IQGAP2: variants seen among roughly 807,000 people sequenced by gnomAD.
The protein encoded by IQGAP2 is IQ motif containing GTPase activating protein 2, also known as ras GTPase-activating-like protein IQGAP2.
A neutral mutation model predicts 201.3 loss-of-function variants in IQGAP2; 173 were observed. The observed-to-expected ratio is 0.86, with a 90% confidence interval of 0.76 to 0.98. The LOEUF (loss-of-function observed/expected upper bound fraction) is 0.98, where lower values mean the gene tolerates loss of function less well. Ranked by LOEUF, IQGAP2 falls within the 50% of genes least tolerant of loss-of-function variation. The pLI is 0.00. For synonymous variants in IQGAP2, 675 were observed against 673.9 expected (o/e 1.00, Z -0.03); for missense variants, 1,687 against 1,864.8 (o/e 0.90, Z 1.76).
Position 76,502,323 on chromosome 5 carries a change from T to A in IQGAP2, c.146+40654T>A, listed in dbSNP as rs1757324057. 2.0e-5 allele frequency among the ~76,000 whole-genome samples: 3 copies of A among 152,364 alleles called. No homozygotes were observed. The South Asian group carries it at 6.2e-4, about 32-fold the overall frequency. On this transcript the variant is annotated intron_variant, in intron 2 of 35. Coordinates refer to ENST00000274364, the MANE Select transcript of IQGAP2 (RefSeq NM_006633.5). ...ATGGCTGTTATTAAGTTTAGTGAGA[T>A]GGTAGTGGTTAACCTCACCAAAGTA...
At chr5:76,426,751 A>G (rs1186035208) in intron 1 of IQGAP2, among the ~76,000 whole-genome samples, 2 of 152,154 alleles carry the variant, frequency 1.3e-5, no homozygotes, top group African/African-American at 2.4e-5. Context: ...TGATTTTATA[A>G]TAGGTAACCT....
At chr5:76,441,515 T>C (rs1427863099) in intron 1 of IQGAP2, 4 of 985,234 alleles carry the variant, frequency 4.1e-6, no homozygotes, top group Non-Finnish European at 4.8e-6. Flanking sequence ...GCGAGCATGT[T>C]GGTAAGAGAA....
intron 2 of IQGAP2, among the ~76,000 whole-genome samples, chr5:76,484,371 AG>A (rs1366929418): frequency 6.6e-6 from 1 of 151,926 alleles, no homozygotes; most frequent in Non-Finnish European, 1.5e-5. Context: ...TCAGGTGGGG[AG>A]GGCTGTCTTA....
At chr5:76,449,599 C>T (rs1228448458) in intron 1 of IQGAP2, among the ~76,000 whole-genome samples, 1 of 152,164 alleles carries the variant, frequency 6.6e-6, no homozygotes, top group East Asian at 1.9e-4. Flanking sequence ...AGTTGGAATG[C>T]ATTTTAGGAT....
chr5:76,474,640 G>C (rs1362699586), intron 2 of IQGAP2, among the ~76,000 whole-genome samples: 1 of 152,166 alleles, frequency 6.6e-6, no homozygotes, highest in African/African-American at 2.4e-5. Flanking sequence ...TATTTCTCAA[G>C]GCAAGAGTTG....
intron 5 of IQGAP2, among the ~76,000 whole-genome samples, chr5:76,579,810 T>G (rs1220940046): frequency 6.6e-6 from 1 of 152,184 alleles, no homozygotes; most frequent in Non-Finnish European, 1.5e-5. Context: ...TTAGTGGATG[T>G]GACCACCAGT....
chr5:76,527,338 T>G lies in IQGAP2; in HGVS notation c.147-35058T>G, dbSNP rs192962443. Among the ~76,000 whole-genome samples the G allele has an allele frequency of 3.3e-4, 50 of 152,274 alleles. 2 individuals carry two copies. Among genetic ancestry groups the G allele is most frequent in the South Asian group, 8.3e-4 (4 of 4,826 alleles). ...TGCTCCCTGTCCCCCAAGAGCTGTT[T>G]GAATCAGGAGCTGCTTAAGGACCTG... On this transcript the variant is annotated intron_variant, in intron 2 of 35. Transcript: ENST00000274364.
chr5:76,694,340 G>A (rs1437085240), intron 31 of IQGAP2, among the ~76,000 whole-genome samples: 2 of 152,118 alleles, frequency 1.3e-5, no homozygotes, highest in Non-Finnish European at 2.9e-5. Flanking sequence ...ATGTGGGTAT[G>A]TTTTAAACAA....
intron 2 of IQGAP2, among the ~76,000 whole-genome samples, chr5:76,530,041 A>T (rs542523685): frequency 4.6e-5 from 7 of 152,196 alleles, no homozygotes; most frequent in Non-Finnish European, 1.0e-4. Flanking sequence ...AGGTTTGATT[A>T]GTCTGTAACA....
chr5:76,494,618 T>C (rs1436155832), intron 2 of IQGAP2, among the ~76,000 whole-genome samples: 1 of 152,236 alleles, frequency 6.6e-6, no homozygotes, highest in Non-Finnish European at 1.5e-5. Context: ...AAAAGAATAA[T>C]TCCTAAAAGG....
At chr5:76,534,249 A>G (rs996897113) in intron 2 of IQGAP2, among the ~76,000 whole-genome samples, 5 of 152,224 alleles carry the variant, frequency 3.3e-5, no homozygotes, top group African/African-American at 1.2e-4. Flanking sequence ...TCAAAGGGCT[A>G]AAGTGGCTGG....
At chr5:76,540,779 G>T (rs535713889) in intron 2 of IQGAP2, among the ~76,000 whole-genome samples, 1 of 152,298 alleles carries the variant, frequency 6.6e-6, no homozygotes, top group African/African-American at 2.4e-5. Flanking sequence ...CTGGTGCACA[G>T]TGTGCCACCT....
chr5:76,665,153 A>G lies in IQGAP2; in HGVS notation c.2657A>G (p.Gln886Arg). The change falls in exon 22 of 36, where the codon CAG becomes CGG. Residue 886 changes from glutamine to arginine, a missense_variant. Transcript: ENST00000274364. ...KERRKTLETY[Q>R]QLFYLLQTNP... ...AGGAGAAAAACACTAGAAACATATCAGCAGCTGTTTTACCTTTTACAGGTG... is the reference window on the plus strand; with the variant it reads ...AGGAGAAAAACACTAGAAACATATCGGCAGCTGTTTTACCTTTTACAGGTG... 6.2e-7 allele frequency: 1 copy of G among 1,613,380 alleles called. No individual in the cohort carries two copies. The highest frequency in any genetic ancestry group is 8.5e-7 in the Non-Finnish European group (1 of 1,179,564).
At chr5:76,447,495 A>G (rs1482686360) in intron 1 of IQGAP2, among the ~76,000 whole-genome samples, 1 of 151,534 alleles carries the variant, frequency 6.6e-6, no homozygotes, top group Admixed American at 6.6e-5. Context: ...AAACAAACAA[A>G]CAAAAAACAT....
chr5:76,598,217 T>A (rs1409798814), intron 10 of IQGAP2, among the ~76,000 whole-genome samples: 1 of 152,230 alleles, frequency 6.6e-6, no homozygotes, highest in Non-Finnish European at 1.5e-5. Context: ...ATTTAATAAA[T>A]GATATCCTTG....
At position 76,618,586 on chromosome 5, in the gene IQGAP2, G is replaced by A. The variant is rs202236954; in HGVS notation, c.1521+7403G>A. The A allele has an allele frequency of 5.4e-5, 87 of 1,613,934 alleles. No homozygotes were observed. Among genetic ancestry groups the A allele is most frequent in the Admixed American group, 6.7e-5 (4 of 60,004 alleles). On this transcript the variant is annotated intron_variant, in intron 13 of 35. Transcript: ENST00000274364. Reference sequence around the variant, plus strand: ...TCAAAAGAATTTGGGGGAGCTCCACGAAAGGTCTTAATGGGTAAGGTTGGC... The same window carrying A: ...TCAAAAGAATTTGGGGGAGCTCCACAAAAGGTCTTAATGGGTAAGGTTGGC...
intron 8 of IQGAP2, among the ~76,000 whole-genome samples, 186 bp downstream of exon 8, chr5:76,590,772 A>G (rs954457809): frequency 6.6e-6 from 1 of 152,126 alleles, no homozygotes; most frequent in Admixed American, 6.5e-5. Context: ...ATTAGATTAT[A>G]TCCCTATATA....
Position 76,631,883 on chromosome 5 carries a change from A to G in IQGAP2, c.1637A>G (p.Asn546Ser). Residue 546 changes from asparagine to serine, a missense_variant, in exon 15 of 36, where the codon AAT becomes AGT. Coordinates refer to ENST00000274364, the MANE Select transcript of IQGAP2 (RefSeq NM_006633.5). Reference sequence around the variant, plus strand: ...GGGGTTACTCTGGTGGTTGATGTTAATCAGTGTTTGGAAGGAAAAAAATCA... The same window carrying G: ...GGGGTTACTCTGGTGGTTGATGTTAGTCAGTGTTTGGAAGGAAAAAAATCA... ...KQWVTLVVDV[N>S]QCLEGKKSSD... 2.5e-6 allele frequency: 4 copies of G among 1,601,488 alleles called. No individual in the cohort carries two copies. The highest frequency in any genetic ancestry group is 3.4e-6 in the Non-Finnish European group (4 of 1,173,446).
chr5:76,460,728 T>C (rs1301594868), intron 1 of IQGAP2, among the ~76,000 whole-genome samples: 1 of 151,980 alleles, frequency 6.6e-6, no homozygotes, highest in African/African-American at 2.4e-5. Context: ...TTGACACCCG[T>C]TGGTATCAAT....
Sources: allele counts gnomAD v4.1 joint callset (sites outside exome capture counted in the v4.1 genomes callset), GRCh38; gene constraint gnomAD v4.1.1; transcripts MANE v1.5; gene names NCBI Gene and HGNC (gene_info 2026-07-23, HGNC 2026-07-21).